The following KIF13B variants were observed in gnomAD, a reference collection of about 807,000 sequenced individuals.
KIF13B encodes the protein kinesin-like protein KIF13B.
In KIF13B, 127 loss-of-function variants were observed where a neutral mutation model predicts 222.0. The observed-to-expected ratio is 0.57, with a 90% CI of 0.50 to 0.66. The LOEUF (loss-of-function observed/expected upper bound fraction) is 0.66. KIF13B is among the 30% of genes least tolerant of loss of function. The pLI is 0.00. For missense variants in KIF13B, 2,173 were observed against 2,379.0 expected (o/e 0.91, Z 1.80); for synonymous variants, 976 against 919.0 (o/e 1.06, Z -1.12).
intron 2 of KIF13B, among the ~76,000 whole-genome samples, chr8:29,225,373 C>A (rs1814975026): frequency 6.6e-6 from 1 of 152,130 alleles, no homozygotes; most frequent in Admixed American, 6.5e-5. Context: ...CATCCTGAGT[C>A]AAAACTAGGT....
Position 29,146,409 on chromosome 8 carries a change from A to C in KIF13B, c.2156T>G (p.Ile719Ser). 1.2e-6 allele frequency: 2 copies of C among 1,613,912 alleles called. No individual in the cohort carries two copies. The highest frequency in any genetic ancestry group is 1.7e-6 in the Non-Finnish European group (2 of 1,179,858). The change falls in exon 18 of 40, where the codon ATT becomes AGT. Residue 719 changes from isoleucine (I) to serine (S), a missense_variant. Coordinates refer to ENST00000524189, the MANE Select transcript of KIF13B (RefSeq NM_015254.4). ...GTTGGCATCCAGGCTGGAGGCTGGA[A>C]TCTGTAGGGTAACTTTGTATTCTGT... Reference protein sequence around the residue: ...KRTEYKVTLQIPASSLDANRK... With the variant: ...KRTEYKVTLQSPASSLDANRK...
At chr8:29,096,293 CTTTTT>C (rs61008499) in intron 36 of KIF13B, among the ~76,000 whole-genome samples, 11 of 76,692 alleles carry the variant, frequency 1.4e-4, no homozygotes, top group African/African-American at 2.5e-4. Context: ...CCAAGCTTTT[CTTTTT>C]TTTTTTTTTT....
chr8:29,130,699 CA>C (rs776743113), intron 23 of KIF13B, 34 bp from the exon 24 acceptor site: 1 of 1,610,688 alleles, frequency 6.2e-7, no homozygotes, highest in Admixed American at 1.7e-5. Context: ...GAAAATCATA[CA>C]TTTCTATTTC....
At chr8:29,176,892 G>A (rs1342643622) in intron 9 of KIF13B, among the ~76,000 whole-genome samples, 1 of 152,136 alleles carries the variant, frequency 6.6e-6, no homozygotes, top group Non-Finnish European at 1.5e-5. Flanking sequence ...ACTTCGTAAA[G>A]TCTTAGCTTC....
At chr8:29,140,252 G>T in intron 20 of KIF13B, 61 bp from the exon 21 acceptor site, 1 of 1,599,650 alleles carries the variant, frequency 6.3e-7, no homozygotes, top group East Asian at 2.2e-5. Context: ...CCCTTGAGAT[G>T]ACCTCTCTTC....
intron 2 of KIF13B, among the ~76,000 whole-genome samples, chr8:29,206,321 C>T (rs1042120244): frequency 1.3e-5 from 2 of 152,156 alleles, no homozygotes; most frequent in East Asian, 1.9e-4. Flanking sequence ...CGTATGCTGA[C>T]GCATGCTTGA....
intron 13 of KIF13B, among the ~76,000 whole-genome samples, chr8:29,156,815 C>A (rs1811554389): frequency 6.6e-6 from 1 of 151,924 alleles, no homozygotes; most frequent in Non-Finnish European, 1.5e-5. Flanking sequence ...GCGACTGTGC[C>A]CAGCCTCAGC....
At chr8:29,138,014 C>CA (rs967373071) in intron 21 of KIF13B, among the ~76,000 whole-genome samples, 2 of 152,006 alleles carry the variant, frequency 1.3e-5, no homozygotes, top group African/African-American at 2.4e-5. Context: ...AGACTAAGGA[C>CA]AAAAAAACTA....
intron 2 of KIF13B, among the ~76,000 whole-genome samples, chr8:29,244,774 T>C (rs1177625217): frequency 6.6e-6 from 1 of 152,308 alleles, no homozygotes; most frequent in African/African-American, 2.4e-5. Flanking sequence ...CATACATATC[T>C]AGAAATGATA....
At chr8:29,080,347 A>AAC (rs1481374363) in intron 37 of KIF13B, among the ~76,000 whole-genome samples, 2 of 151,424 alleles carry the variant, frequency 1.3e-5, no homozygotes, top group Non-Finnish European at 2.9e-5. Context: ...AAAAAAAAAA[A>AAC]AACCAACCCA....
intron 35 of KIF13B, among the ~76,000 whole-genome samples, chr8:29,105,860 T>C (rs1335545121): frequency 1.3e-5 from 2 of 151,908 alleles, no homozygotes; most frequent in African/African-American, 2.4e-5. Flanking sequence ...GGTTTCACCA[T>C]GTTGGGCAGG....
chr8:29,072,063 G>A lies in KIF13B; in HGVS notation c.4775C>T (p.Pro1592Leu). The A allele has an allele frequency of 1.5e-6, 2 of 1,308,164 alleles. No homozygotes were observed. Among genetic ancestry groups the A allele is most frequent in the African/African-American group, 1.5e-5 (1 of 64,756 alleles). The allele number at this position is 1,308,164 out of a possible 1,614,324, so 81.0% of individuals were successfully genotyped here. A position where few individuals can be genotyped will look rare whatever the true frequency, so the allele number is the denominator to read the frequency against. The change falls in exon 39 of 40, where the codon CCG becomes CTG. Residue 1592 changes from proline to leucine, a missense_variant. This residue lies in a region of KIF13B where 693 missense variants were observed against 656.2 expected (regional missense o/e 1.06). Coordinates refer to ENST00000524189, the MANE Select transcript of KIF13B (RefSeq NM_015254.4). The stretch of plus-strand genomic sequence containing the variant: ...CTCAGGGGCGGTGGGCATGGACCCC[G>A]GCGGGGCCGCAGCGTCCAGGCCGGG... ...LGPGLDAAAP[P>L]GSMPTAPEAE...
At chr8:29,131,755 C>T (rs1221804873) in intron 23 of KIF13B, among the ~76,000 whole-genome samples, 2 of 152,174 alleles carry the variant, frequency 1.3e-5, no homozygotes, top group Non-Finnish European at 2.9e-5. Flanking sequence ...CTCCAAAATT[C>T]ATTTCACTGT....
At chr8:29,181,763 T>TG (rs1410064119) in intron 7 of KIF13B, among the ~76,000 whole-genome samples, 156 bp downstream of exon 7, 4 of 152,256 alleles carry the variant, frequency 2.6e-5, no homozygotes, top group African/African-American at 9.6e-5. Context: ...CGCTTGTCTG[T>TG]GATCAACTAT....
intron 2 of KIF13B, among the ~76,000 whole-genome samples, chr8:29,209,872 C>T (rs1012131404): frequency 7.1e-6 from 1 of 141,646 alleles, no homozygotes; most frequent in Admixed American, 7.3e-5. Context: ...GGCAGTGAGA[C>T]CCTACCTCTC....
intron 18 of KIF13B, among the ~76,000 whole-genome samples, chr8:29,144,309 G>T (rs1252939502): frequency 6.6e-6 from 1 of 152,016 alleles, no homozygotes; most frequent in African/African-American, 2.4e-5. Context: ...CGCCCAGGCT[G>T]GGGTGCAGTG....
At chr8:29,158,661 A>C (rs1195386936) in intron 13 of KIF13B, among the ~76,000 whole-genome samples, 1 of 152,216 alleles carries the variant, frequency 6.6e-6, no homozygotes, top group Non-Finnish European at 1.5e-5. Context: ...ATTCCACCAT[A>C]AAACTGTTCT....
intron 37 of KIF13B, among the ~76,000 whole-genome samples, chr8:29,091,728 C>T (rs1417911666): frequency 2.0e-5 from 3 of 152,208 alleles, no homozygotes; most frequent in African/African-American, 7.2e-5. Context: ...CTGCCTACCT[C>T]GGTCCCCACA....
At chr8:29,139,558 C>G (rs1355526323) in intron 21 of KIF13B, among the ~76,000 whole-genome samples, 1 of 152,258 alleles carries the variant, frequency 6.6e-6, no homozygotes, top group Non-Finnish European at 1.5e-5. Flanking sequence ...CCAACTCCAA[C>G]AGCTCCAGCT....
Sources: allele counts gnomAD v4.1 joint callset (sites outside exome capture counted in the v4.1 genomes callset), GRCh38; gene constraint gnomAD v4.1.1; regional missense constraint gnomAD v4.1.1; transcripts MANE v1.5; gene names NCBI Gene and HGNC (gene_info 2026-07-23, HGNC 2026-07-21).